OSBPL9: variants seen among roughly 807,000 people sequenced by gnomAD.
OSBPL9 encodes the protein oxysterol-binding protein-related protein 9.
In OSBPL9, 40 loss-of-function variants were observed where a neutral mutation model predicts 106.6. The observed-to-expected ratio is 0.38, with a 90% confidence interval of 0.29 to 0.49. The LOEUF (loss-of-function observed/expected upper bound fraction) is 0.49, where lower values mean the gene tolerates loss of function less well. Among genes scored for constraint, OSBPL9 ranks in the 20% least tolerant of loss-of-function variants. The probability of loss-of-function intolerance (pLI) is 0.97; values close to 1 mark genes in which losing one functional copy is unlikely to be tolerated. For missense variants in OSBPL9, 609 were observed against 887.2 expected (o/e 0.69, Z 3.98); for synonymous variants, 269 against 295.4 (o/e 0.91, Z 0.92).
At chr1:51,786,666 G>A (rs979874203) in intron 22 of OSBPL9, 49 bp downstream of exon 22, 1 of 1,502,872 alleles carries the variant, frequency 6.7e-7, no homozygotes, top group Admixed American at 1.7e-5. Flanking sequence ...CTTAAACTTT[G>A]CCTAGGCGTA....
intron 1 of OSBPL9, among the ~76,000 whole-genome samples, chr1:51,580,879 T>C (rs1271018340): frequency 8.7e-6 from 1 of 115,286 alleles, no homozygotes; most frequent in Non-Finnish European, 1.8e-5. Context: ...TATACTGTAT[T>C]TCCTTCTAGC....
chr1:51,717,175 C>T (rs1661226320), intron 4 of OSBPL9, among the ~76,000 whole-genome samples: 1 of 152,122 alleles, frequency 6.6e-6, no homozygotes, highest in Admixed American at 6.5e-5. Flanking sequence ...CCATGTTGGC[C>T]AGGCTGGTCT....
the OSBPL9 span, among the ~76,000 whole-genome samples, chr1:51,540,297 G>T: frequency 6.6e-6 from 1 of 151,948 alleles, no homozygotes; most frequent in African/African-American, 2.4e-5. Flanking sequence ...CTCCTGCCAA[G>T]ATCATTAGTG....
chr1:51,575,632 G>A (rs180866476), upstream of OSBPL9, among the ~76,000 whole-genome samples: 854 of 152,210 alleles, frequency 5.6e-3, 3 homozygotes, highest in Non-Finnish European at 8.9e-3. Context: ...TGACTCAACT[G>A]TTTCCCCTTA....
At chr1:51,772,799 AT>A in intron 14 of OSBPL9, 76 bp downstream of exon 14, 1 of 957,962 alleles carries the variant, frequency 1.0e-6, no homozygotes, top group Non-Finnish European at 1.7e-6. Flanking sequence ...GTGCCTGCAA[AT>A]GTAGTAAAAT....
At chr1:51,534,300 C>G in the OSBPL9 span, among the ~76,000 whole-genome samples, 1 of 151,898 alleles carries the variant, frequency 6.6e-6, no homozygotes, top group Non-Finnish European at 1.5e-5. Context: ...CCATCATGTC[C>G]TTAAGTCATA....
chr1:51,663,634 G>A (rs778036865), intron 2 of OSBPL9, among the ~76,000 whole-genome samples: 2 of 152,172 alleles, frequency 1.3e-5, no homozygotes, highest in Non-Finnish European at 2.9e-5. Flanking sequence ...ACTATAAAAT[G>A]TAAAGTCAAT....
rs202159829 is a variant in OSBPL9, at chr1:51,691,767, G to GT, written c.242-22227dup. On this transcript the variant is annotated intron_variant, in intron 3 of 23. Coordinates refer to ENST00000428468, the MANE Select transcript of OSBPL9 (RefSeq NM_024586.6). ...GATTTTTTTTTATGTTTTAAAGTTTGTTTTTTTTTAAATGAAGATACAAAC... is the reference window on the plus strand; with the variant it reads ...GATTTTTTTTTATGTTTTAAAGTTTGTTTTTTTTTTAAATGAAGATACAAAC... Among the ~76,000 whole-genome samples, 376 of 149,578 alleles carry GT rather than the reference G, an allele frequency of 2.5e-3. 1 individual carries two copies. Among genetic ancestry groups the GT allele is most frequent in the African/African-American group, 8.4e-3 (342 of 40,710 alleles).
chr1:51,568,846 G>C, the OSBPL9 span, among the ~76,000 whole-genome samples: 1 of 152,092 alleles, frequency 6.6e-6, no homozygotes, highest in Non-Finnish European at 1.5e-5. Context: ...TATCCTGCCT[G>C]GTATTACAGG....
At chr1:51,667,145 T>G (rs1474874440) in intron 2 of OSBPL9, among the ~76,000 whole-genome samples, 1 of 152,210 alleles carries the variant, frequency 6.6e-6, no homozygotes, top group Non-Finnish European at 1.5e-5. Context: ...ATTTGGGTTC[T>G]TAATTAAGGA....
intron 1 of OSBPL9, among the ~76,000 whole-genome samples, chr1:51,620,431 G>A (rs115674696): frequency 0.027 from 4,182 of 152,102 alleles, 87 homozygotes; most frequent in Non-Finnish European, 0.043. Flanking sequence ...ATATGTTGGG[G>A]GACATACCAG....
chr1:51,617,042 C>T (rs556473674), upstream of OSBPL9: 1,620 of 1,538,448 alleles, frequency 1.1e-3, no homozygotes, highest in Non-Finnish European at 1.4e-3. Flanking sequence ...TGCGGCCCCG[C>T]CCCCCGCATG....
intron 11 of OSBPL9, among the ~76,000 whole-genome samples, chr1:51,762,488 A>G (rs1671734606): frequency 6.6e-6 from 1 of 152,230 alleles, no homozygotes; most frequent in Non-Finnish European, 1.5e-5. Context: ...ATAAAATATT[A>G]CAGAGTTTTG....
Position 51,729,735 on chromosome 1 carries a change from T to C in OSBPL9, c.318+15656T>C, listed in dbSNP as rs1281498682. On this transcript the variant is annotated intron_variant, in intron 4 of 23. Transcript: ENST00000428468. The surrounding 1 kb of genome is among the most constrained non-coding windows in gnomAD (Gnocchi z 5.1). ...GTGACCCATGGCCAATCGCCAGGGGTCTCTTTGCCAGGAGCCGCCAGGGCC... is the reference window on the plus strand; with the variant it reads ...GTGACCCATGGCCAATCGCCAGGGGCCTCTTTGCCAGGAGCCGCCAGGGCC... 4.1e-6 allele frequency: 4 copies of C among 987,458 alleles called. No homozygotes were observed. Among genetic ancestry groups the C allele is most frequent in the Non-Finnish European group, 5.2e-6 (4 of 764,244 alleles). 61.2% of individuals were successfully genotyped at this position (987,458 alleles called of 1,614,324 possible). A position where few individuals can be genotyped will look rare whatever the true frequency, so the allele number is the denominator to read the frequency against.
At chr1:51,745,731 C>G in intron 5 of OSBPL9, 100 bp downstream of exon 5, 3 of 1,339,040 alleles carry the variant, frequency 2.2e-6, no homozygotes, top group Non-Finnish European at 1.9e-6. Context: ...TTACAGCCCT[C>G]ATGTGGTTCT....
intron 1 of OSBPL9, among the ~76,000 whole-genome samples, chr1:51,651,400 C>G (rs1041244378): frequency 2.6e-5 from 4 of 151,930 alleles, no homozygotes; most frequent in African/African-American, 9.7e-5. Context: ...GTCAGGAGTT[C>G]GAGACCAGCC....
At chr1:51,532,983 G>A in the OSBPL9 span, among the ~76,000 whole-genome samples, 1 of 152,016 alleles carries the variant, frequency 6.6e-6, no homozygotes, top group Non-Finnish European at 1.5e-5. Flanking sequence ...TTATTAAATG[G>A]TAATTGGTAA....
chr1:51,729,815 G>A lies in OSBPL9; in HGVS notation c.319-15721G>A. The stretch of plus-strand genomic sequence containing the variant: ...AGGGGACGGGAAAGGGGTGGGGGGT[G>A]AAGGGGGTGAAGGGGGTGTCCCGGG... On this transcript the variant is annotated intron_variant, in intron 4 of 23. Coordinates refer to ENST00000428468, the MANE Select transcript of OSBPL9 (RefSeq NM_024586.6). The surrounding 1 kb of genome is among the most constrained non-coding windows in gnomAD (Gnocchi z 5.1). The A allele has an allele frequency of 1.6e-6, 2 of 1,220,882 alleles. No individual in the cohort carries two copies. The highest frequency in any genetic ancestry group is 2.1e-6 in the Non-Finnish European group (2 of 974,556). The allele number at this position is 1,220,882 out of a possible 1,614,324, so 75.6% of individuals were successfully genotyped here.
At chr1:51,579,456 T>TA in intron 1 of OSBPL9, among the ~76,000 whole-genome samples, 2 of 152,310 alleles carry the variant, frequency 1.3e-5, no homozygotes, top group Non-Finnish European at 2.9e-5. Context: ...CTTATTTAGA[T>TA]AAAAATATGT....
Sources: gnomAD v4.1 joint callset for allele counts (sites outside exome capture counted in the v4.1 genomes callset) on GRCh38, gnomAD v4.1.1 for gene constraint, Gnocchi (gnomAD v3.1) non-coding constraint, MANE v1.5 for transcripts, NCBI Gene and HGNC (gene_info 2026-07-23, HGNC 2026-07-21) for gene names.